The following ERI3 variants were observed in gnomAD, a reference collection of about 807,000 sequenced individuals.
ERI3 encodes ERI1 exoribonuclease 3.
Under a neutral mutation model 44.4 loss-of-function variants are expected in ERI3, and 18 were observed. That is an observed-to-expected ratio of 0.41 (90% CI 0.28 to 0.60). ERI3 has a LOEUF of 0.60. Ranked by LOEUF, ERI3 falls within the 20% of genes least tolerant of loss-of-function variation. The probability of loss-of-function intolerance (pLI) is 0.36; values close to 1 mark genes in which losing one functional copy is unlikely to be tolerated. For missense variants in ERI3, 294 were observed against 435.5 expected, an observed-to-expected ratio of 0.68 and a Z score of 2.89; for synonymous variants, 183 against 164.8, an observed-to-expected ratio of 1.11 and a Z score of -0.84.
At position 44,355,115 on chromosome 1, in the gene ERI3, C is replaced by T. The variant is rs972433640; in HGVS notation, c.-89G>A. ...CCTCGGCCTCAGCAAGCGCTCAGGG[C>T]AGTTGGCGGCGGCGGGCGCGGCCCG... On this transcript the variant is annotated 5_prime_UTR_variant, in exon 1 of 9. Transcript: ENST00000372257. The T allele has an allele frequency of 1.3e-5, 16 of 1,241,070 alleles. No individual in the cohort carries two copies. The highest frequency in any genetic ancestry group is 1.6e-5 in the African/African-American group (1 of 64,290). The allele number at this position is 1,241,070 out of a possible 1,614,324, so 76.9% of individuals were successfully genotyped here. A position where few individuals can be genotyped will look rare whatever the true frequency, so the allele number is the denominator to read the frequency against.
At chr1:44,229,654 A>G (rs1418400540) in intron 8 of ERI3, among the ~76,000 whole-genome samples, 1 of 151,982 alleles carries the variant, frequency 6.6e-6, no homozygotes, top group African/African-American at 2.4e-5. Flanking sequence ...CAGCCCCGGC[A>G]CTCCCTCCCT....
intron 6 of ERI3, among the ~76,000 whole-genome samples, chr1:44,306,385 A>G (rs1311342002): frequency 6.6e-6 from 1 of 152,252 alleles, no homozygotes; most frequent in Non-Finnish European, 1.5e-5. Flanking sequence ...ACCACCACCC[A>G]CCAGAGACGG....
intron 1 of ERI3, 146 bp from the exon 2 acceptor site, chr1:44,353,071 C>T (rs1048389671): frequency 6.8e-7 from 1 of 1,470,654 alleles, no homozygotes; most frequent in Non-Finnish European, 9.0e-7. Context: ...ACAGAGCTTT[C>T]AGAAACTATT....
chr1:44,321,078 G>A (rs1646192401), intron 3 of ERI3, among the ~76,000 whole-genome samples: 1 of 152,164 alleles, frequency 6.6e-6, no homozygotes, highest in Non-Finnish European at 1.5e-5. Flanking sequence ...AAATTGATGG[G>A]TGGGAAAACA....
chr1:44,255,756 T>C (rs1226314718), intron 7 of ERI3, among the ~76,000 whole-genome samples: 1 of 152,194 alleles, frequency 6.6e-6, no homozygotes, highest in Non-Finnish European at 1.5e-5. Context: ...ACCATCTACC[T>C]GGTCTACCAG....
At chr1:44,229,676 C>T (rs939195960) in intron 8 of ERI3, among the ~76,000 whole-genome samples, 11 of 152,214 alleles carry the variant, frequency 7.2e-5, no homozygotes, top group Non-Finnish European at 1.6e-4. Flanking sequence ...GTGGGCCCGC[C>T]CTAATGCTCA....
intron 6 of ERI3, among the ~76,000 whole-genome samples, chr1:44,288,373 C>T (rs1020797134): frequency 2.0e-5 from 3 of 152,178 alleles, no homozygotes; most frequent in African/African-American, 7.2e-5. Context: ...GACTCCAAGA[C>T]ACAAGCTGTA....
intron 8 of ERI3, among the ~76,000 whole-genome samples, chr1:44,237,902 C>T (rs777563530): frequency 2.0e-5 from 3 of 152,098 alleles, no homozygotes; most frequent in Non-Finnish European, 2.9e-5. Context: ...TGGCTCCCGG[C>T]GGCCGGCAGC....
intron 7 of ERI3, among the ~76,000 whole-genome samples, chr1:44,255,512 C>T (rs573862278): frequency 2.0e-5 from 3 of 152,174 alleles, no homozygotes; most frequent in Non-Finnish European, 4.4e-5. Context: ...CTACCACTCT[C>T]CTTGGGTTCC....
At chr1:44,280,540 G>A (rs954445879) in intron 7 of ERI3, among the ~76,000 whole-genome samples, 2 of 152,114 alleles carry the variant, frequency 1.3e-5, no homozygotes, top group Non-Finnish European at 1.5e-5. Flanking sequence ...TTATCACAAC[G>A]ACTCGGAGAG....
At chr1:44,290,217 C>T (rs976975621) in intron 6 of ERI3, among the ~76,000 whole-genome samples, 29 of 152,186 alleles carry the variant, frequency 1.9e-4, no homozygotes, top group African/African-American at 6.3e-4. Context: ...TGTTCGCCTG[C>T]AGGAGCAAAC....
At chr1:44,286,793 C>G (rs1025153053) in intron 6 of ERI3, among the ~76,000 whole-genome samples, 22 of 152,186 alleles carry the variant, frequency 1.4e-4, no homozygotes, top group Admixed American at 1.4e-3. Context: ...ACAATACTTC[C>G]ATCTTTTCCT....
intron 7 of ERI3, among the ~76,000 whole-genome samples, chr1:44,259,365 A>T (rs1190101632): frequency 1.3e-5 from 2 of 152,124 alleles, no homozygotes; most frequent in African/African-American, 4.8e-5. Flanking sequence ...GAAGGAATCA[A>T]ATCAACGCCA....
intron 4 of ERI3, among the ~76,000 whole-genome samples, chr1:44,315,225 T>C (rs1473530848): frequency 4.6e-5 from 7 of 152,188 alleles, no homozygotes; most frequent in Admixed American, 4.6e-4. Context: ...GTCCACTCCT[T>C]CTCTTGGCTC....
At chr1:44,332,053 G>A (rs1037325867) in intron 3 of ERI3, among the ~76,000 whole-genome samples, 2 of 152,110 alleles carry the variant, frequency 1.3e-5, no homozygotes, top group African/African-American at 4.8e-5. Flanking sequence ...TATACCCCTA[G>A]CATCTAACAC....
At chr1:44,268,692 T>C (rs542550138) in intron 7 of ERI3, among the ~76,000 whole-genome samples, 4 of 152,242 alleles carry the variant, frequency 2.6e-5, no homozygotes, top group Admixed American at 1.3e-4. Flanking sequence ...CACGGTCACA[T>C]ATGAATGTGA....
At position 44,355,104 on chromosome 1, in the gene ERI3, A is replaced by G; in HGVS notation, c.-78T>C. The G allele has an allele frequency of 8.0e-7, 1 of 1,257,430 alleles. No individual in the cohort carries two copies. The highest frequency in any genetic ancestry group is 4.2e-5 in the Admixed American group (1 of 23,794). 77.9% of individuals were successfully genotyped at this position (1,257,430 alleles called of 1,614,324 possible). A position where few individuals can be genotyped will look rare whatever the true frequency, so the allele number is the denominator to read the frequency against. On this transcript the variant is annotated 5_prime_UTR_variant, in exon 1 of 9. Transcript: ENST00000372257. ...CCCGACGTCTCCCTCGGCCTCAGCAAGCGCTCAGGGCAGTTGGCGGCGGCG... is the reference window on the plus strand; with the variant it reads ...CCCGACGTCTCCCTCGGCCTCAGCAGGCGCTCAGGGCAGTTGGCGGCGGCG...
At chr1:44,223,545 A>T (rs145513455) in intron 8 of ERI3, among the ~76,000 whole-genome samples, 1 of 152,260 alleles carries the variant, frequency 6.6e-6, no homozygotes, top group Non-Finnish European at 1.5e-5. Flanking sequence ...GCATATTAAG[A>T]ATAAGTCCCC....
At chr1:44,250,564 T>C (rs1644656164) in intron 7 of ERI3, among the ~76,000 whole-genome samples, 1 of 152,194 alleles carries the variant, frequency 6.6e-6, no homozygotes, top group Admixed American at 6.5e-5. Context: ...CGGTCCCGCC[T>C]GACAGATGCC....
Sources: gnomAD v4.1 joint callset for allele counts (sites outside exome capture counted in the v4.1 genomes callset) on GRCh38, gnomAD v4.1.1 for gene constraint, MANE v1.5 for transcripts, NCBI Gene and HGNC (gene_info 2026-07-23, HGNC 2026-07-21) for gene names.